The following DLG1 variants were observed in gnomAD, a reference collection of about 807,000 sequenced individuals.
The protein encoded by DLG1 is disks large homolog 1.
DLG1 carries 42 observed loss-of-function variants against 123.4 expected under a neutral mutation model. The ratio of observed to expected loss-of-function variants is 0.34; its 90% CI spans 0.27 to 0.44. DLG1 has a LOEUF of 0.44. Ranked by LOEUF, DLG1 falls within the 20% of genes least tolerant of loss-of-function variation. DLG1 has a pLI of 1.00. For missense variants in DLG1, 942 were observed against 1,082.6 expected, an observed-to-expected ratio of 0.87 and a Z score of 1.82; for synonymous variants, 317 against 356.2, an observed-to-expected ratio of 0.89 and a Z score of 1.24.
rs1000984403 is a variant in DLG1, at chr3:197,043,950, G to A, written c.*673C>T. 2 of 152,138 alleles carry A rather than the reference G, an allele frequency of 1.3e-5. No individual in the cohort carries two copies. Among genetic ancestry groups the A allele is most frequent in the African/African-American group, 2.4e-5 (1 of 41,434 alleles). The allele number at this position is 152,138 out of a possible 1,614,324, so 9.4% of individuals were successfully genotyped here. On this transcript the variant is annotated 3_prime_UTR_variant, in exon 25 of 25. Transcript: ENST00000667157. Reference sequence around the variant, plus strand: ...TGAACAACTTTTGTAAGACACGATAGTGTTGCTCAAGTAGATTAAAAACAT... The same window carrying A: ...TGAACAACTTTTGTAAGACACGATAATGTTGCTCAAGTAGATTAAAAACAT...
chr3:197,194,406 T>G lies in DLG1; in HGVS notation c.483+19A>C. 6.7e-7 allele frequency: 1 copy of G among 1,487,346 alleles called. No individual in the cohort carries two copies. Among genetic ancestry groups the G allele is most frequent in the East Asian group, 2.4e-5 (1 of 41,962 alleles). The allele number at this position is 1,487,346 out of a possible 1,614,324, so 92.1% of individuals were successfully genotyped here. The stretch of plus-strand genomic sequence containing the variant: ...AGTAATATGTAATTCATAACAATAA[T>G]AAATAGATACTATCCTACCTTTATT... On this transcript the variant is annotated intron_variant, in intron 5 of 24. Coordinates refer to ENST00000667157, the MANE Select transcript of DLG1 (RefSeq NM_001366207.1).
At chr3:197,295,941 C>G (rs551964862) in intron 3 of DLG1, among the ~76,000 whole-genome samples, 3 of 152,178 alleles carry the variant, frequency 2.0e-5, no homozygotes, top group East Asian at 3.8e-4. Context: ...CAAGCTCAAA[C>G]AGAAATCTAC....
intron 24 of DLG1, 33 bp from the exon 25 acceptor site, chr3:197,044,762 A>C: frequency 1.1e-5 from 15 of 1,338,428 alleles, no homozygotes; most frequent in Non-Finnish European, 1.4e-5. Flanking sequence ...AGAAATCTCC[A>C]TTAATTGTCT....
intron 4 of DLG1, among the ~76,000 whole-genome samples, chr3:197,272,365 A>C (rs548060878): frequency 2.7e-5 from 4 of 149,274 alleles, no homozygotes; most frequent in South Asian, 2.1e-4. Flanking sequence ...AAAAAAAAAG[A>C]AAAAAAAAAG....
chr3:197,157,659 C>T (rs1356058287), intron 5 of DLG1, among the ~76,000 whole-genome samples: 1 of 152,112 alleles, frequency 6.6e-6, no homozygotes, highest in African/African-American at 2.4e-5. Flanking sequence ...TATCAAAATC[C>T]CAGTAGGGTT....
Position 197,245,046 on chromosome 3 carries a change from C to A in DLG1, c.318+37633G>T, listed in dbSNP as rs1750937953. On this transcript the variant is annotated intron_variant, in intron 4 of 24. Transcript: ENST00000667157. ...GGGACAGTTCGGACCTTTAATAAGG[C>A]AATAGGAAGGCACTTGGTCCATGAT... is the stretch of plus-strand genomic sequence containing the variant. Among the ~76,000 whole-genome samples the A allele has an allele frequency of 2.0e-5, 3 of 152,136 alleles. No individual in the cohort carries two copies. In the South Asian group the frequency reaches 6.2e-4, roughly 32 times the overall value.
chr3:197,297,339 T>C, intron 1 of DLG1, 104 bp from the exon 2 acceptor site: 1 of 1,504,266 alleles, frequency 6.6e-7, no homozygotes, highest in Non-Finnish European at 8.8e-7. Context: ...AAACCCCACG[T>C]TCCAAAGTTT....
chr3:197,102,678 C>G (rs1764150844), intron 14 of DLG1, among the ~76,000 whole-genome samples: 1 of 152,168 alleles, frequency 6.6e-6, no homozygotes, highest in Admixed American at 6.5e-5. Context: ...GTCAGGAGAC[C>G]AGTCTGGCCA....
chr3:197,105,824 G>A (rs977853924), intron 13 of DLG1, among the ~76,000 whole-genome samples: 4 of 151,866 alleles, frequency 2.6e-5, no homozygotes, highest in South Asian at 4.2e-4. Flanking sequence ...TTTAAATACC[G>A]AATTAAAAAA....
intron 17 of DLG1, chr3:197,080,813 T>C (rs1383164016): frequency 5.8e-6 from 2 of 345,508 alleles, no homozygotes; most frequent in Non-Finnish European, 5.3e-6. Context: ...ATACATTTCA[T>C]TTATAAAAAT....
chr3:197,173,127 G>C (rs1162899975), intron 5 of DLG1, among the ~76,000 whole-genome samples: 1 of 152,022 alleles, frequency 6.6e-6, no homozygotes, highest in Non-Finnish European at 1.5e-5. Flanking sequence ...TTTATTGTTA[G>C]TTGCTGTGGT....
intron 1 of DLG1, 90 bp from the exon 2 acceptor site, chr3:197,297,325 T>C: frequency 2.6e-6 from 4 of 1,536,574 alleles, no homozygotes; most frequent in South Asian, 1.2e-5. Context: ...CGCAGCCTAT[T>C]TGAAAACCCC....
chr3:197,103,324 G>C (rs1285528171), intron 14 of DLG1, among the ~76,000 whole-genome samples: 3 of 151,972 alleles, frequency 2.0e-5, no homozygotes, highest in Non-Finnish European at 2.9e-5. Context: ...TTTGAGGTTA[G>C]GGAGCAGATA....
chr3:197,147,131 T>TA (rs1012169469), intron 6 of DLG1, among the ~76,000 whole-genome samples: 29 of 148,432 alleles, frequency 2.0e-4, no homozygotes, highest in South Asian at 4.2e-4. Flanking sequence ...CATAAAAAAA[T>TA]AAAAAAAAAT....
At chr3:197,178,638 T>G (rs140910866) in intron 5 of DLG1, among the ~76,000 whole-genome samples, 1 of 152,060 alleles carries the variant, frequency 6.6e-6, no homozygotes, top group Non-Finnish European at 1.5e-5. Context: ...CCTGAGACAT[T>G]TGAACATTTA....
chr3:197,133,566 G>A (rs1428561206), intron 10 of DLG1, among the ~76,000 whole-genome samples: 1 of 152,206 alleles, frequency 6.6e-6, no homozygotes, highest in Non-Finnish European at 1.5e-5. Context: ...GATTTAATGT[G>A]AAATGTGTAA....
intron 4 of DLG1, among the ~76,000 whole-genome samples, chr3:197,247,255 G>A (rs1052930300): frequency 1.3e-5 from 2 of 152,164 alleles, no homozygotes; most frequent in Non-Finnish European, 2.9e-5. Context: ...CTTCCTGGGG[G>A]GAGACATAGA....
chr3:197,208,326 C>G (rs570012914), intron 4 of DLG1, among the ~76,000 whole-genome samples: 1 of 146,442 alleles, frequency 6.8e-6, no homozygotes, highest in South Asian at 2.6e-4. Flanking sequence ...CTGGTACTAC[C>G]TCTATAAAAG....
At position 197,164,358 on chromosome 3, in the gene DLG1, T is replaced by C. The variant is rs6786790; in HGVS notation, c.484-14562A>G. ...GTTGCGGTGAGCCTAGATTGCGCCA[T>C]TGCACTCCAGCCTGGGCAACAGAGT... On this transcript the variant is annotated intron_variant, in intron 5 of 24. Coordinates refer to ENST00000667157, the MANE Select transcript of DLG1 (RefSeq NM_001366207.1). Among the ~76,000 whole-genome samples, 269 of 151,892 alleles carry C rather than the reference T, an allele frequency of 1.8e-3. 2 individuals carry two copies. Among genetic ancestry groups the C allele is most frequent in the African/African-American group, 6.0e-3 (249 of 41,406 alleles).
Sources: gnomAD v4.1 joint callset for allele counts (sites outside exome capture counted in the v4.1 genomes callset) on GRCh38, gnomAD v4.1.1 for gene constraint, MANE v1.5 for transcripts, NCBI Gene and HGNC (gene_info 2026-07-23, HGNC 2026-07-21) for gene names.